AUTS2: variants seen among roughly 807,000 people sequenced by gnomAD.
AUTS2 encodes activator of transcription and developmental regulator AUTS2.
In AUTS2, 17 loss-of-function variants were observed where a neutral mutation model predicts 112.4. The observed-to-expected ratio is 0.15, with a 90% confidence interval of 0.10 to 0.23. The LOEUF (loss-of-function observed/expected upper bound fraction) is 0.23, where lower values mean the gene tolerates loss of function less well. Ranked by LOEUF, AUTS2 falls within the 10% of genes least tolerant of loss-of-function variation. AUTS2 has a pLI of 1.00. For missense variants in AUTS2, 1,510 were observed against 1,701.6 expected (o/e 0.89, Z 1.98); for synonymous variants, 751 against 702.7 (o/e 1.07, Z -1.09).
At chr7:70,064,041 C>T (rs891550486) in intron 2 of AUTS2, among the ~76,000 whole-genome samples, 1 of 152,164 alleles carries the variant, frequency 6.6e-6, no homozygotes, top group Admixed American at 6.5e-5. Flanking sequence ...TACAGAAGAG[C>T]CAAGACTTGT....
chr7:69,754,158 G>A (rs1194102605), intron 1 of AUTS2, among the ~76,000 whole-genome samples: 1 of 152,132 alleles, frequency 6.6e-6, no homozygotes, highest in Non-Finnish European at 1.5e-5. Flanking sequence ...AGAAGGTCGG[G>A]TTACCAAGCA....
intron 5 of AUTS2, among the ~76,000 whole-genome samples, chr7:70,474,478 T>G (rs1797507153): frequency 6.6e-6 from 1 of 152,200 alleles, no homozygotes; most frequent in African/African-American, 2.4e-5. Flanking sequence ...AACATCCTAC[T>G]TAGTATTTAG....
chr7:70,221,377 T>G (rs540040614), intron 4 of AUTS2, among the ~76,000 whole-genome samples: 1 of 152,372 alleles, frequency 6.6e-6, no homozygotes, highest in Non-Finnish European at 1.5e-5. Context: ...GTGTAAAATT[T>G]ATATACAATT....
chr7:70,025,972 G>A (rs946612200), intron 2 of AUTS2, among the ~76,000 whole-genome samples: 2 of 152,050 alleles, frequency 1.3e-5, no homozygotes, highest in Non-Finnish European at 2.9e-5. Flanking sequence ...AACTAGGCAC[G>A]AAAAGCTGTA....
At chr7:69,771,120 C>A (rs1463178255) in intron 1 of AUTS2, among the ~76,000 whole-genome samples, 1 of 152,284 alleles carries the variant, frequency 6.6e-6, no homozygotes, top group South Asian at 2.1e-4. Flanking sequence ...TTCCCCTGGC[C>A]ACTGTGCACT....
At chr7:69,718,959 C>T (rs531514802) in intron 1 of AUTS2, among the ~76,000 whole-genome samples, 1 of 152,304 alleles carries the variant, frequency 6.6e-6, no homozygotes, top group South Asian at 2.1e-4. Context: ...TTTGTACAAT[C>T]CCAGTGTTCA....
chr7:70,422,707 C>T (rs921876603), intron 4 of AUTS2, among the ~76,000 whole-genome samples: 1 of 152,076 alleles, frequency 6.6e-6, no homozygotes, highest in Non-Finnish European at 1.5e-5. Context: ...ACCCAGGAGG[C>T]GGAAGTTGCA....
chr7:70,724,296 C>G (rs776194901), intron 6 of AUTS2, among the ~76,000 whole-genome samples: 32 of 152,060 alleles, frequency 2.1e-4, no homozygotes, highest in Non-Finnish European at 8.8e-5. Flanking sequence ...CAATTTGATT[C>G]CATATTTGAT....
chr7:70,140,191 T>C (rs1806784648), intron 4 of AUTS2, among the ~76,000 whole-genome samples: 1 of 152,224 alleles, frequency 6.6e-6, no homozygotes. Context: ...GTTTGGATTT[T>C]GGCAAGGATG....
chr7:70,052,698 GC>G (rs1220054318), intron 2 of AUTS2, among the ~76,000 whole-genome samples: 1 of 152,176 alleles, frequency 6.6e-6, no homozygotes, highest in African/African-American at 2.4e-5. Context: ...ATTCTGAGAA[GC>G]TTATACTATA....
rs1791912496 is a variant in AUTS2 at position 70,790,947 on chromosome 7, T to C, written c.3731T>C (p.Ile1244Thr). The change falls in exon 19 of 19, where the codon ATA becomes ACA. Residue 1244 changes from isoleucine (I) to threonine (T), a missense_variant. Transcript: ENST00000342771. This position sits in a 1 kb window ranked among gnomAD's most constrained non-coding sequence, Gnocchi z 7.6. ...AGGACGACTCCTCTGTCCGCAGAGA[T>C]AAGGGAGAGGCCCCCTTCCCACACG... Reference protein sequence around the residue: ...PRRTTPLSAEIRERPPSHTLK... With the variant: ...PRRTTPLSAETRERPPSHTLK... 3 of 1,519,108 alleles carry C rather than the reference T, an allele frequency of 2.0e-6. No homozygotes were observed. Among genetic ancestry groups the C allele is most frequent in the Non-Finnish European group, 2.6e-6 (3 of 1,134,106 alleles). The allele number at this position is 1,519,108 out of a possible 1,614,324, so 94.1% of individuals were successfully genotyped here.
intron 1 of AUTS2, among the ~76,000 whole-genome samples, chr7:69,765,821 C>T (rs752774610): frequency 6.6e-6 from 1 of 152,066 alleles, no homozygotes; most frequent in Admixed American, 6.6e-5. Context: ...GTGGCACGTG[C>T]CTGTAGTCCC....
chr7:70,329,542 T>C (rs1790649608), intron 4 of AUTS2, among the ~76,000 whole-genome samples: 1 of 151,898 alleles, frequency 6.6e-6, no homozygotes, highest in South Asian at 2.1e-4. Context: ...TGAGCATCTT[T>C]TCATGTTTTT....
intron 2 of AUTS2, among the ~76,000 whole-genome samples, chr7:69,918,984 A>G (rs1795701086): frequency 6.6e-6 from 1 of 152,052 alleles, no homozygotes; most frequent in Non-Finnish European, 1.5e-5. Context: ...CTGAAAGGCT[A>G]CTCTTGGGGG....
intron 5 of AUTS2, among the ~76,000 whole-genome samples, chr7:70,649,728 C>T (rs2129541596): frequency 6.6e-6 from 1 of 152,138 alleles, no homozygotes; most frequent in South Asian, 2.1e-4. Flanking sequence ...TGGGCCTTCA[C>T]CATGTTGGCC....
At chr7:69,933,823 T>C (rs1796309899) in intron 2 of AUTS2, among the ~76,000 whole-genome samples, 1 of 152,166 alleles carries the variant, frequency 6.6e-6, no homozygotes, top group African/African-American at 2.4e-5. Flanking sequence ...TTTTTGTGCT[T>C]GACTAGTATA....
At chr7:70,322,440 C>T (rs1209259680) in intron 4 of AUTS2, among the ~76,000 whole-genome samples, 1 of 152,146 alleles carries the variant, frequency 6.6e-6, no homozygotes, top group Non-Finnish European at 1.5e-5. Context: ...CATCCTGTAG[C>T]TCCTACATGC....
intron 4 of AUTS2, among the ~76,000 whole-genome samples, chr7:70,169,573 A>AT (rs1413835696): frequency 2.6e-5 from 4 of 152,158 alleles, no homozygotes; most frequent in African/African-American, 9.7e-5. Flanking sequence ...TGACCATGAT[A>AT]TTAGCACCTA....
chr7:69,946,319 A>G (rs985381282), intron 2 of AUTS2, among the ~76,000 whole-genome samples: 1 of 152,174 alleles, frequency 6.6e-6, no homozygotes, highest in African/African-American at 2.4e-5. Context: ...TGATAGGAAT[A>G]TAAATTGGGA....
Sources: allele counts gnomAD v4.1 joint callset (sites outside exome capture counted in the v4.1 genomes callset), GRCh38; gene constraint gnomAD v4.1.1; non-coding constraint Gnocchi (gnomAD v3.1); transcripts MANE v1.5; gene names NCBI Gene and HGNC (gene_info 2026-07-23, HGNC 2026-07-21).